The following CCT4 variants were observed in gnomAD, a reference collection of about 807,000 sequenced individuals.
CCT4 encodes T-complex protein 1 subunit delta.
CCT4 carries 17 observed loss-of-function variants against 62.5 expected under a neutral mutation model. That is an observed-to-expected ratio of 0.27 (90% CI 0.19 to 0.41). The LOEUF (loss-of-function observed/expected upper bound fraction) is 0.41. Among genes scored for constraint, CCT4 ranks in the 10% least tolerant of loss-of-function variants. The pLI, the probability that CCT4 is intolerant of heterozygous loss-of-function variation, is 1.00. For missense variants in CCT4, 592 were observed against 659.2 expected (o/e 0.90, Z 1.12); for synonymous variants, 250 against 229.9 (o/e 1.09, Z -0.79).
At chr2:61,883,093 T>A (rs13390881) in intron 3 of CCT4, among the ~76,000 whole-genome samples, 57,874 of 152,006 alleles carry the variant, frequency 0.38, 11,667 homozygotes, top group East Asian at 0.7. Flanking sequence ...ATCAAATAAA[T>A]TTAACTGTTT....
chr2:61,869,638 C>A, intron 12 of CCT4, 85 bp from the exon 13 acceptor site: 1 of 744,804 alleles, frequency 1.3e-6, no homozygotes, highest in Admixed American at 2.0e-5. Flanking sequence ...TACCTCAAGA[C>A]CTAAATCTAG....
In CCT4 at chr2:61,869,253, T is replaced by C. The variant is rs182908475; in HGVS notation, c.1605+187A>G. Among the ~76,000 whole-genome samples, 256 of 151,792 alleles carry C rather than the reference T, an allele frequency of 1.7e-3. 1 individual carries two copies. The highest frequency in any genetic ancestry group is 5.8e-3 in the African/African-American group (241 of 41,338). ...CAGGAGGATGAGACAGGAGAATCAC[T>C]TGAACCCCAGAGGCAGAGGTTGCAG... On this transcript the variant is annotated intron_variant, in intron 13 of 13. Coordinates refer to ENST00000394440, the MANE Select transcript of CCT4 (RefSeq NM_006430.4).
chr2:61,884,919 C>T (rs2105141893), intron 2 of CCT4, 101 bp downstream of exon 2: 3 of 1,042,750 alleles, frequency 2.9e-6, no homozygotes, highest in Non-Finnish European at 4.3e-6. Context: ...AGCCACCACG[C>T]CCAGCCCCAC....
intron 10 of CCT4, 39 bp from the exon 11 acceptor site, chr2:61,872,627 CA>C (rs200509643): frequency 1.7e-5 from 27 of 1,607,224 alleles, no homozygotes; most frequent in East Asian, 2.2e-5. Context: ...TTTGAAGGGT[CA>C]AAAAAACCCC....
intron 12 of CCT4, among the ~76,000 whole-genome samples, chr2:61,871,074 C>T (rs1668874471): frequency 6.6e-6 from 1 of 150,672 alleles, no homozygotes; most frequent in Non-Finnish European, 1.5e-5. Flanking sequence ...CCCTGTCGCC[C>T]AGGCTGGAGT....
At chr2:61,877,323 T>TA (rs1426775679) in intron 6 of CCT4, 70 bp downstream of exon 6, 80 of 1,445,720 alleles carry the variant, frequency 5.5e-5, no homozygotes, top group Non-Finnish European at 7.4e-5. Flanking sequence ...ATCTAGGTGT[T>TA]TTTATTTATT....
At chr2:61,870,679 A>T (rs1359769018) in intron 12 of CCT4, among the ~76,000 whole-genome samples, 1 of 152,132 alleles carries the variant, frequency 6.6e-6, no homozygotes, top group Non-Finnish European at 1.5e-5. Context: ...AGCACTTTGG[A>T]AGGCTGAGGC....
intron 7 of CCT4, 108 bp downstream of exon 7, chr2:61,876,812 T>G: frequency 1.1e-6 from 1 of 930,668 alleles, no homozygotes; most frequent in Non-Finnish European, 1.6e-6. Context: ...GTAAGTCTTT[T>G]GAGATCTGCT....
At chr2:61,875,035 G>A (rs1182010363) in intron 8 of CCT4, among the ~76,000 whole-genome samples, 1 of 151,952 alleles carries the variant, frequency 6.6e-6, no homozygotes, top group Non-Finnish European at 1.5e-5. Context: ...CCAACTACTC[G>A]GGAGGCTGAG....
rs199849903 is a variant in CCT4, at chr2:61,885,080, TG to T, written c.128-9del. ...TAATAGCATCAGCAACCGCTGCAGA[TG>T]GGGGGGAAAAAAAAGAAAACAAATT... On this transcript the variant is annotated splice_polypyrimidine_tract_variant and intron_variant, in intron 1 of 13. Transcript: ENST00000394440. 841 of 1,419,510 alleles carry T rather than the reference TG, an allele frequency of 5.9e-4. 3 individuals are homozygous for T. In the East Asian group the frequency reaches 0.018, roughly 30 times the overall value. The allele number at this position is 1,419,510 out of a possible 1,614,324, so 87.9% of individuals were successfully genotyped here.
At chr2:61,876,491 C>G (rs2105131347) in intron 7 of CCT4, among the ~76,000 whole-genome samples, 1 of 151,958 alleles carries the variant, frequency 6.6e-6, no homozygotes, top group Middle Eastern at 3.4e-3. Flanking sequence ...AAATGGTTAC[C>G]CTAGTTGTTT....
At chr2:61,886,014 A>C (rs1669240458) in intron 1 of CCT4, 2 of 152,214 alleles carry the variant, frequency 1.3e-5, no homozygotes, top group Non-Finnish European at 2.9e-5. Flanking sequence ...CTGAGAGCAA[A>C]GACTTTTGTT....
At chr2:61,873,629 G>A (rs1261132452) in intron 8 of CCT4, among the ~76,000 whole-genome samples, 10 of 151,974 alleles carry the variant, frequency 6.6e-5, no homozygotes, top group East Asian at 1.9e-4. Context: ...GCAATGGCAC[G>A]ATCTTGGCTC....
chr2:61,888,465 CCCCGGCAGT>C lies in CCT4; in HGVS notation c.34_42del (p.Thr12_Gly14del), dbSNP rs1669314294. 1 of 1,611,828 alleles carries C rather than the reference CCCCGGCAGT, an allele frequency of 6.2e-7. No individual in the cohort carries two copies. Among genetic ancestry groups the C allele is most frequent in the Admixed American group, 1.7e-5 (1 of 59,852 alleles). On this transcript the variant is annotated inframe_deletion, in exon 1 of 14. Transcript: ENST00000394440. ...GCGCCTTTCCCGCGGCCGCCGGCAG[CCCCGGCAGT>C]CGCCCCGCTCCGGGGTGCCACATTC...
At chr2:61,877,603 T>A (rs763425940) in intron 5 of CCT4, 89 bp from the exon 6 acceptor site, 2 of 1,065,536 alleles carry the variant, frequency 1.9e-6, no homozygotes, top group African/African-American at 3.2e-5. Context: ...GAAAGACTCT[T>A]ATAATTTTTG....
intron 3 of CCT4, among the ~76,000 whole-genome samples, chr2:61,881,985 G>C (rs868837020): frequency 6.6e-6 from 1 of 151,260 alleles, no homozygotes; most frequent in South Asian, 2.1e-4. Flanking sequence ...CCAAGCTGGA[G>C]TGAAGTGGGG....
At position 61,885,087 on chromosome 2, in the gene CCT4, G is replaced by GAAAA; in HGVS notation, c.128-19_128-16dup. On this transcript the variant is annotated splice_polypyrimidine_tract_variant and intron_variant, in intron 1 of 13. Transcript: ENST00000394440. Reference sequence around the variant, plus strand: ...ATCAGCAACCGCTGCAGATGGGGGGGAAAAAAAAGAAAACAAATTAGAACT... The same window carrying GAAAA: ...ATCAGCAACCGCTGCAGATGGGGGGGAAAAAAAAAAAAGAAAACAAATTAGAACT... 5.9e-6 allele frequency: 9 copies of GAAAA among 1,515,300 alleles called. No homozygotes were observed. Among genetic ancestry groups the GAAAA allele is most frequent in the South Asian group, 1.3e-5 (1 of 77,112 alleles). The allele number at this position is 1,515,300 out of a possible 1,614,324, so 93.9% of individuals were successfully genotyped here. A position where few individuals can be genotyped will look rare whatever the true frequency, so the allele number is the denominator to read the frequency against.
intron 3 of CCT4, among the ~76,000 whole-genome samples, chr2:61,882,760 C>T (rs1358085536): frequency 6.6e-6 from 1 of 152,094 alleles, no homozygotes; most frequent in East Asian, 1.9e-4. Flanking sequence ...ATCCTCCCAC[C>T]TTGGCCTCCC....
chr2:61,872,008 T>C, intron 12 of CCT4, 74 bp downstream of exon 12: 1 of 1,022,746 alleles, frequency 9.8e-7, no homozygotes, highest in South Asian at 1.6e-5. Flanking sequence ...GAGCTTTCCA[T>C]TCAACAGATG....
Sources: allele counts gnomAD v4.1 joint callset (sites outside exome capture counted in the v4.1 genomes callset), GRCh38; gene constraint gnomAD v4.1.1; transcripts MANE v1.5; gene names NCBI Gene and HGNC (gene_info 2026-07-23, HGNC 2026-07-21).